Variants in EFCAB8 observed in about 807,000 individuals in gnomAD.
EFCAB8 encodes the protein EF-hand calcium-binding domain-containing protein 8.
In EFCAB8, 100 loss-of-function variants were observed where a neutral mutation model predicts 116.3. That is an observed-to-expected ratio of 0.86 (90% CI 0.73 to 1.02). EFCAB8 has a LOEUF of 1.02. Among genes scored for constraint, EFCAB8 ranks in the 50% least tolerant of loss-of-function variants. The probability of loss-of-function intolerance (pLI) is 0.00; values close to 1 mark genes in which losing one functional copy is unlikely to be tolerated. For synonymous variants in EFCAB8, 558 were observed against 567.9 expected (o/e 0.98, Z 0.25); for missense variants, 1,320 against 1,416.9 (o/e 0.93, Z 1.10).
chr20:32,888,523 T>G (rs1042822363), intron 6 of EFCAB8, among the ~76,000 whole-genome samples: 1 of 152,016 alleles, frequency 6.6e-6, no homozygotes, highest in African/African-American at 2.4e-5. Flanking sequence ...CGCCCAGCCT[T>G]TTTTGTTAAT....
At chr20:32,897,386 T>G in intron 10 of EFCAB8, among the ~76,000 whole-genome samples, 1 of 151,800 alleles carries the variant, frequency 6.6e-6, no homozygotes, top group East Asian at 1.9e-4. Flanking sequence ...CACAAATGAA[T>G]GAATGAATGA....
rs187815487 is a variant in EFCAB8 at position 32,889,265 on chromosome 20, G to A, written c.568-36G>A. The A allele has an allele frequency of 3.8e-4, 584 of 1,533,678 alleles. No homozygotes were observed. The African/African-American group carries it at 4.0e-3, about 10-fold the overall frequency. On this transcript the variant is annotated intron_variant, in intron 6 of 26. Transcript: ENST00000400522. ...GGGAGCTGCACTGGCCTGAGTATGC[G>A]TCCCAGCCCATCTCCTCTGCTCTTC...
intron 17 of EFCAB8, among the ~76,000 whole-genome samples, chr20:32,913,825 G>A (rs1340780801): frequency 6.6e-6 from 1 of 152,234 alleles, no homozygotes; most frequent in African/African-American, 2.4e-5. Context: ...ATCCATCAGG[G>A]CAAATGCTAG....
intron 7 of EFCAB8, 85 bp from the exon 8 acceptor site, chr20:32,892,128 G>A: frequency 8.3e-7 from 1 of 1,203,646 alleles, no homozygotes; most frequent in Non-Finnish European, 1.2e-6. Context: ...GAGATTCCTT[G>A]GGATAGCAAT....
chr20:32,892,426 G>A (rs751756971), intron 8 of EFCAB8, 129 bp downstream of exon 8: 2 of 749,692 alleles, frequency 2.7e-6, no homozygotes, highest in Non-Finnish European at 2.2e-6. Context: ...CTCCCCACTG[G>A]CTCCAAGGCC....
intron 23 of EFCAB8, among the ~76,000 whole-genome samples, chr20:32,946,264 T>C (rs757030883): frequency 1.3e-5 from 2 of 152,262 alleles, no homozygotes; most frequent in Admixed American, 6.5e-5. Flanking sequence ...ATGTTGGATG[T>C]ACATCTCAGT....
At chr20:32,960,198 T>C (rs931473847) in intron 26 of EFCAB8, 37 bp downstream of exon 26, 24 of 1,540,776 alleles carry the variant, frequency 1.6e-5, no homozygotes, top group East Asian at 2.4e-5. Flanking sequence ...AGAGGCTGGG[T>C]CAGGGGCCAG....
Position 32,920,212 on chromosome 20 carries a change from G to A in EFCAB8, c.2409G>A (p.Glu803=). 6.4e-7 allele frequency: 1 copy of A among 1,551,680 alleles called. No homozygotes were observed. Among genetic ancestry groups the A allele is most frequent in the Non-Finnish European group, 8.7e-7 (1 of 1,146,988 alleles). ...NMLVQSSASV[E]KIIFLQTRPR... is the part of the protein sequence containing the mutation. ...TGGTTCAATCCAGTGCCTCGGTGGA[G>A]AAGGTTGGCCGTGATCAGCCAGGGA... The change falls in exon 20 of 27, where the codon GAG becomes GAA. Residue 803 remains glutamate, a synonymous_variant. Transcript: ENST00000400522.
intron 22 of EFCAB8, among the ~76,000 whole-genome samples, chr20:32,941,966 G>A (rs1432068723): frequency 1.3e-5 from 2 of 152,106 alleles, no homozygotes; most frequent in East Asian, 3.8e-4. Flanking sequence ...TGTACATCTA[G>A]TAATTTGTCC....
intron 20 of EFCAB8, among the ~76,000 whole-genome samples, chr20:32,923,725 GT>G (rs1987556065): frequency 6.6e-6 from 1 of 152,134 alleles, no homozygotes; most frequent in South Asian, 2.1e-4. Flanking sequence ...GGGACTTGCT[GT>G]TTTTCACTTG....
At chr20:32,929,586 C>T (rs1987814517) in intron 20 of EFCAB8, among the ~76,000 whole-genome samples, 1 of 149,496 alleles carries the variant, frequency 6.7e-6, no homozygotes, top group East Asian at 2.0e-4. Flanking sequence ...AAGTGATTCA[C>T]CCGCCTCGGC....
intron 11 of EFCAB8, among the ~76,000 whole-genome samples, chr20:32,902,198 G>C (rs1986459885): frequency 6.6e-6 from 1 of 152,132 alleles, no homozygotes; most frequent in Admixed American, 6.6e-5. Flanking sequence ...GAACTGGTGT[G>C]GTCTGGCTTA....
intron 1 of EFCAB8, among the ~76,000 whole-genome samples, chr20:32,860,699 G>A (rs749534923): frequency 1.8e-4 from 28 of 151,756 alleles, no homozygotes; most frequent in Non-Finnish European, 2.9e-4. Context: ...ATAAAAATTG[G>A]CATCATAGTG....
chr20:32,935,411 G>C (rs1471824521), intron 22 of EFCAB8, among the ~76,000 whole-genome samples: 4 of 151,772 alleles, frequency 2.6e-5, no homozygotes, highest in Non-Finnish European at 2.9e-5. Context: ...TGTTGGTCAG[G>C]CTGGTCCCGA....
chr20:32,930,087 G>C (rs576094461), intron 20 of EFCAB8, among the ~76,000 whole-genome samples: 1 of 152,304 alleles, frequency 6.6e-6, no homozygotes, highest in Admixed American at 6.5e-5. Flanking sequence ...AGCCTATGTC[G>C]AATCAAACTT....
Position 32,892,989 on chromosome 20 carries a change from C to T in EFCAB8, c.759-185C>T, listed in dbSNP as rs546213034. Among the ~76,000 whole-genome samples, 69 of 152,054 alleles carry T rather than the reference C, an allele frequency of 4.5e-4. 1 individual carries two copies. The highest frequency in any genetic ancestry group is 1.5e-3 in the African/African-American group (61 of 41,472). On this transcript the variant is annotated intron_variant, in intron 8 of 26. Transcript: ENST00000400522. ...CTGAGTAGCTGGGATTACTGGTGCC[C>T]GCCACCACGCTTGGCTAATTTTTGT...
intron 23 of EFCAB8, among the ~76,000 whole-genome samples, chr20:32,950,806 A>G (rs1259200732): frequency 6.6e-6 from 1 of 152,130 alleles, no homozygotes; most frequent in African/African-American, 2.4e-5. Flanking sequence ...TCTGTGCCCA[A>G]GCTGTCCTAT....
At chr20:32,909,494 G>A (rs748026583) in intron 14 of EFCAB8, among the ~76,000 whole-genome samples, 6 of 152,216 alleles carry the variant, frequency 3.9e-5, no homozygotes, top group East Asian at 1.9e-4. Context: ...TGGGGCAAGG[G>A]GGAGGCAGGG....
intron 5 of EFCAB8, among the ~76,000 whole-genome samples, chr20:32,884,312 G>A (rs1052311609): frequency 6.6e-6 from 1 of 152,174 alleles, no homozygotes; most frequent in African/African-American, 2.4e-5. Context: ...AGGTGCAGGT[G>A]CTGTCATCAT....
Sources: gnomAD v4.1 joint callset for allele counts (sites outside exome capture counted in the v4.1 genomes callset) on GRCh38, gnomAD v4.1.1 for gene constraint, MANE v1.5 for transcripts, NCBI Gene and HGNC (gene_info 2026-07-23, HGNC 2026-07-21) for gene names.